SMAP1: variants seen among roughly 807,000 people sequenced by gnomAD.
SMAP1 encodes the protein small ArfGAP 1.
Under a neutral mutation model 58.5 loss-of-function variants are expected in SMAP1, and 24 were observed. That is an observed-to-expected ratio of 0.41 (90% CI 0.30 to 0.58). The LOEUF is 0.58. Among genes scored for constraint, SMAP1 ranks in the 20% least tolerant of loss-of-function variants. The pLI, the probability that SMAP1 is intolerant of heterozygous loss-of-function variation, is 0.29. For synonymous variants in SMAP1, 216 were observed against 196.6 expected (o/e 1.10, Z -0.82); for missense variants, 563 against 566.3 (o/e 0.99, Z 0.06).
intron 2 of SMAP1, among the ~76,000 whole-genome samples, chr6:70,754,484 A>T (rs1397071775): frequency 6.6e-6 from 1 of 152,084 alleles, no homozygotes; most frequent in Non-Finnish European, 1.5e-5. Context: ...ACTCAAAAGA[A>T]ATTAATACAT....
In SMAP1 at chr6:70,667,947, G is replaced by T. The variant is rs1411757095; in HGVS notation, c.-77G>T. 27 of 1,316,438 alleles carry T rather than the reference G, an allele frequency of 2.1e-5. No homozygotes were observed. The South Asian group carries it at 2.1e-4, about 10-fold the overall frequency. The allele number at this position is 1,316,438 out of a possible 1,614,324, so 81.5% of individuals were successfully genotyped here. On this transcript the variant is annotated 5_prime_UTR_variant, in exon 1 of 11. Coordinates refer to ENST00000370455, the MANE Select transcript of SMAP1 (RefSeq NM_001044305.3). ...CCGCCCGCGGTCCCGGCGGCGCCAG[G>T]TGCGTTCACTCTGCCCGGCTCCAGC...
intron 1 of SMAP1, among the ~76,000 whole-genome samples, chr6:70,685,966 C>T (rs1326634700): frequency 6.6e-6 from 1 of 152,020 alleles, no homozygotes; most frequent in East Asian, 1.9e-4. Context: ...AGTGTAGTGG[C>T]ACCACAATGG....
rs550245976 is a variant in SMAP1, at chr6:70,795,577, A to C, written c.496-3080A>C. Among the ~76,000 whole-genome samples the C allele has an allele frequency of 1.0e-3, 152 of 152,282 alleles. 1 individual carries two copies. The highest frequency in any genetic ancestry group is 3.5e-3 in the African/African-American group (145 of 41,558). ...TCCTATTCATGAAGGTTTCATCCTC[A>C]TGACTTAATCACTTCCCAAAGGCCC... On this transcript the variant is annotated intron_variant, in intron 5 of 10. Transcript: ENST00000370455.
intron 1 of SMAP1, among the ~76,000 whole-genome samples, chr6:70,730,514 G>T (rs181313398): frequency 6.6e-6 from 1 of 152,342 alleles, no homozygotes; most frequent in East Asian, 1.9e-4. Context: ...GAGACAGAGT[G>T]GAAAGTAACT....
intron 1 of SMAP1, among the ~76,000 whole-genome samples, chr6:70,676,507 A>G (rs1766487875): frequency 6.6e-6 from 1 of 152,170 alleles, no homozygotes; most frequent in South Asian, 2.1e-4. Flanking sequence ...CCCGGGAGAT[A>G]TAGTCTGTGC....
chr6:70,786,475 A>G lies in SMAP1; in HGVS notation c.415-5214A>G, dbSNP rs1245379140. Among the ~76,000 whole-genome samples, 17 of 37,474 alleles carry G rather than the reference A, an allele frequency of 4.5e-4. No individual in the cohort carries two copies. The East Asian group carries it at 0.26, about 569-fold the overall frequency. 24.6% of individuals were successfully genotyped at this position (37,474 alleles called of 152,430 possible). A position where few individuals can be genotyped will look rare whatever the true frequency, so the allele number is the denominator to read the frequency against. The stretch of plus-strand genomic sequence containing the variant: ...CAGGGCAATTAGGCAGGAGAAGGAA[A>G]TAAAGGGTTATTCAATTAGGAAAAG... On this transcript the variant is annotated intron_variant, in intron 4 of 10. Transcript: ENST00000370455.
intron 7 of SMAP1, among the ~76,000 whole-genome samples, chr6:70,846,360 T>TG (rs959760531): frequency 2.0e-5 from 3 of 152,168 alleles, no homozygotes; most frequent in Non-Finnish European, 4.4e-5. Context: ...AGGAGGCAGC[T>TG]GCACTCTTCC....
At chr6:70,718,117 T>C (rs1009778849) in intron 1 of SMAP1, among the ~76,000 whole-genome samples, 5 of 152,152 alleles carry the variant, frequency 3.3e-5, no homozygotes, top group African/African-American at 1.2e-4. Context: ...CTTAAAAAAT[T>C]TTATTGTTTA....
At chr6:70,813,719 A>T (rs1562179891) in intron 6 of SMAP1, among the ~76,000 whole-genome samples, 2 of 139,970 alleles carry the variant, frequency 1.4e-5, no homozygotes, top group Non-Finnish European at 3.3e-5. Context: ...GTCTTTTAAC[A>T]TTTTTAAAAA....
At chr6:70,833,368 A>C (rs1770441375) in intron 6 of SMAP1, among the ~76,000 whole-genome samples, 1 of 152,208 alleles carries the variant, frequency 6.6e-6, no homozygotes, top group South Asian at 2.1e-4. Context: ...CACCTTTGCC[A>C]CACGTTGTGT....
intron 10 of SMAP1, chr6:70,859,439 T>C: frequency 6.9e-7 from 1 of 1,444,250 alleles, no homozygotes; most frequent in Non-Finnish European, 9.5e-7. Flanking sequence ...GATCTGCTTC[T>C]TCAGACACTT....
intron 8 of SMAP1, among the ~76,000 whole-genome samples, chr6:70,854,546 C>T (rs1176436749): frequency 6.6e-6 from 1 of 151,814 alleles, no homozygotes; most frequent in Non-Finnish European, 1.5e-5. Flanking sequence ...TGCTTGAACC[C>T]GGGAGGCAGA....
intron 3 of SMAP1, among the ~76,000 whole-genome samples, chr6:70,772,205 T>A (rs1335714487): frequency 6.6e-6 from 1 of 152,344 alleles, no homozygotes; most frequent in East Asian, 1.9e-4. Context: ...ATTTTTTGTT[T>A]CATCAGTGTC....
intron 1 of SMAP1, among the ~76,000 whole-genome samples, chr6:70,691,324 TATA>T (rs1243060302): frequency 1.3e-5 from 2 of 152,172 alleles, no homozygotes; most frequent in Non-Finnish European, 1.5e-5. Context: ...TATGGGTACA[TATA>T]ATAGTAGGTG....
chr6:70,838,224 T>C (rs2149999354), intron 7 of SMAP1, among the ~76,000 whole-genome samples: 1 of 152,308 alleles, frequency 6.6e-6, no homozygotes, highest in Middle Eastern at 3.4e-3. Context: ...TTTTCCAGTC[T>C]ACATGCCTGG....
chr6:70,719,590 G>A (rs550077411), intron 1 of SMAP1, among the ~76,000 whole-genome samples: 24 of 152,136 alleles, frequency 1.6e-4, no homozygotes, highest in Non-Finnish European at 2.2e-4. Context: ...TGTATCAGTC[G>A]GTTTTCACGC....
chr6:70,835,209 G>A (rs1380035422), intron 6 of SMAP1, among the ~76,000 whole-genome samples: 4 of 136,028 alleles, frequency 2.9e-5, no homozygotes, highest in Non-Finnish European at 4.5e-5. Flanking sequence ...CCAAGATTGC[G>A]CCACTGCACT....
chr6:70,749,751 T>C (rs1766199135), intron 2 of SMAP1, among the ~76,000 whole-genome samples: 1 of 152,158 alleles, frequency 6.6e-6, no homozygotes, highest in Non-Finnish European at 1.5e-5. Flanking sequence ...TCTTAGCATC[T>C]GAGGGACAAA....
At chr6:70,673,274 A>G (rs1343351642) in intron 1 of SMAP1, among the ~76,000 whole-genome samples, 3 of 152,198 alleles carry the variant, frequency 2.0e-5, no homozygotes, top group African/African-American at 7.2e-5. Flanking sequence ...GGAGACTGGT[A>G]TGCTGATGGG....
Sources: allele counts gnomAD v4.1 joint callset (sites outside exome capture counted in the v4.1 genomes callset), GRCh38; gene constraint gnomAD v4.1.1; transcripts MANE v1.5; gene names NCBI Gene and HGNC (gene_info 2026-07-23, HGNC 2026-07-21).